TAFA5: variants seen among roughly 807,000 people sequenced by gnomAD.
The protein encoded by TAFA5 is chemokine-like protein TAFA-5.
TAFA5 carries 6 observed loss-of-function variants against 15.3 expected under a neutral mutation model. The ratio of observed to expected loss-of-function variants is 0.39; its 90% confidence interval spans 0.21 to 0.77. TAFA5 has a LOEUF of 0.77. TAFA5 is among the 30% of genes least tolerant of loss of function. The pLI is 0.41. For missense variants in TAFA5, 161 were observed against 193.1 expected, an observed-to-expected ratio of 0.83 and a Z score of 0.98; for synonymous variants, 103 against 80.7, an observed-to-expected ratio of 1.28 and a Z score of -1.48.
chr22:48,699,772 C>T (rs1569084831), intron 2 of TAFA5, among the ~76,000 whole-genome samples: 1 of 152,160 alleles, frequency 6.6e-6, no homozygotes, highest in African/African-American at 2.4e-5. Context: ...ATTATTGCAG[C>T]GACTGCGAAC....
At chr22:48,704,426 G>T (rs1929015710) in intron 2 of TAFA5, among the ~76,000 whole-genome samples, 1 of 152,106 alleles carries the variant, frequency 6.6e-6, no homozygotes, top group African/African-American at 2.4e-5. Flanking sequence ...CTTTCTGCAG[G>T]AATAGAACAG....
chr22:48,582,364 GTA>G (rs1924084339), intron 1 of TAFA5, among the ~76,000 whole-genome samples: 1 of 60,096 alleles, frequency 1.7e-5, no homozygotes, highest in African/African-American at 8.6e-5. Flanking sequence ...AATACACCAC[GTA>G]CCACACACAA....
chr22:48,707,132 G>A (rs1302399870), intron 2 of TAFA5, among the ~76,000 whole-genome samples: 4 of 152,082 alleles, frequency 2.6e-5, no homozygotes, highest in East Asian at 3.9e-4. Flanking sequence ...GTGCTGGGCC[G>A]GCCCCAGGGG....
chr22:48,511,955 C>T (rs1237629229), intron 1 of TAFA5, among the ~76,000 whole-genome samples: 1 of 152,264 alleles, frequency 6.6e-6, no homozygotes, highest in Non-Finnish European at 1.5e-5. Context: ...TCACTCCTCA[C>T]CATTGCTAGG....
intron 1 of TAFA5, among the ~76,000 whole-genome samples, chr22:48,519,833 AC>A (rs1232956899): frequency 2.6e-5 from 4 of 152,034 alleles, no homozygotes; most frequent in African/African-American, 9.7e-5. Flanking sequence ...CAGTCACCTA[AC>A]CTCTCTGTGC....
intron 2 of TAFA5, among the ~76,000 whole-genome samples, chr22:48,661,571 C>G (rs193231379): frequency 2.0e-5 from 3 of 152,204 alleles, no homozygotes; most frequent in Non-Finnish European, 4.4e-5. Flanking sequence ...GGACACTGAT[C>G]AGTGCCCAGG....
chr22:48,554,925 G>C (rs986067266), intron 1 of TAFA5, among the ~76,000 whole-genome samples: 20 of 152,208 alleles, frequency 1.3e-4, no homozygotes, highest in African/African-American at 4.3e-4. Context: ...GGGGTCCTAC[G>C]AGCCTCTTCA....
At chr22:48,551,370 T>G (rs1360310894) in intron 1 of TAFA5, among the ~76,000 whole-genome samples, 1 of 152,140 alleles carries the variant, frequency 6.6e-6, no homozygotes, top group African/African-American at 2.4e-5. Flanking sequence ...CAGCCCCGTC[T>G]AGCCCCAGTG....
intron 2 of TAFA5, among the ~76,000 whole-genome samples, chr22:48,703,075 G>A (rs1232664890): frequency 3.3e-5 from 5 of 152,170 alleles, no homozygotes; most frequent in African/African-American, 4.8e-5. Flanking sequence ...ATGTGTGTGC[G>A]TGAACGTGTG....
chr22:48,654,642 A>C (rs968173340), intron 2 of TAFA5, among the ~76,000 whole-genome samples: 1 of 151,922 alleles, frequency 6.6e-6, no homozygotes, highest in African/African-American at 2.4e-5. Flanking sequence ...CATCCGAATC[A>C]CTCCCAACAA....
intron 3 of TAFA5, among the ~76,000 whole-genome samples, chr22:48,717,016 T>C (rs1362992496): frequency 6.6e-6 from 1 of 152,166 alleles, no homozygotes; most frequent in African/African-American, 2.4e-5. Context: ...AAAGAAATGC[T>C]TTCTAAAAAT....
rs1173307089 is a variant in TAFA5 at position 48,566,016 on chromosome 22, G to C, written c.112+76312G>C. Among the ~76,000 whole-genome samples, 1 of 151,784 alleles carries C rather than the reference G, an allele frequency of 6.6e-6. No individual in the cohort carries two copies. The highest frequency in any genetic ancestry group is 1.5e-5 in the Non-Finnish European group (1 of 67,930). On this transcript the variant is annotated intron_variant, in intron 1 of 3. Transcript: ENST00000402357. This position sits in a 1 kb window ranked among gnomAD's most constrained non-coding sequence, Gnocchi z 4.5. ...GATGGATGTATGATGGATGGATTGT[G>C]GCTAGATGGATGACGGATAGATGAT...
chr22:48,706,076 C>A (rs1929069127), intron 2 of TAFA5, among the ~76,000 whole-genome samples: 1 of 152,318 alleles, frequency 6.6e-6, no homozygotes, highest in East Asian at 1.9e-4. Flanking sequence ...GCCACTCTTG[C>A]CCTGGGCCTG....
rs149829114 is a variant in TAFA5 at position 48,699,034 on chromosome 22, C to T, written c.263-8683C>T. ...TCGGCTCACTGCAACCTCTGCTTCC[C>T]AGGTTCAAGTGATTCCCCTGCCTCG... On this transcript the variant is annotated intron_variant, in intron 2 of 3. Transcript: ENST00000402357. 4.4e-3 allele frequency among the ~76,000 whole-genome samples: 672 copies of T among 151,236 alleles called. 12 individuals carry two copies. In the East Asian group the frequency reaches 0.05, roughly 11 times the overall value.
At chr22:48,600,292 G>A (rs985398788) in intron 1 of TAFA5, among the ~76,000 whole-genome samples, 1 of 152,206 alleles carries the variant, frequency 6.6e-6, no homozygotes, top group Non-Finnish European at 1.5e-5. Context: ...CGCCTACCAC[G>A]GGCAGTAAGG....
At chr22:48,707,569 G>A in intron 2 of TAFA5, 148 bp from the exon 3 acceptor site, 1 of 870,926 alleles carries the variant, frequency 1.1e-6, no homozygotes, top group Non-Finnish European at 1.7e-6. Context: ...CCTGGGCCCA[G>A]TGTCCCTGTG....
At chr22:48,626,409 C>T (rs1399807324) in intron 1 of TAFA5, among the ~76,000 whole-genome samples, 1 of 152,100 alleles carries the variant, frequency 6.6e-6, no homozygotes, top group Non-Finnish European at 1.5e-5. Context: ...ATGGCCGTTA[C>T]CTCCTTATTT....
chr22:48,632,795 G>A (rs1456548251), intron 1 of TAFA5, among the ~76,000 whole-genome samples: 1 of 152,220 alleles, frequency 6.6e-6, no homozygotes, highest in African/African-American at 2.4e-5. Flanking sequence ...TCCCTGCAGA[G>A]AGAATTGAAG....
chr22:48,546,678 G>T (rs1483366229), intron 1 of TAFA5: 1 of 453,648 alleles, frequency 2.2e-6, no homozygotes, highest in Non-Finnish European at 4.6e-6. Context: ...AGGGTCCGCA[G>T]GATGGGGGGC....
Sources: gnomAD v4.1 joint callset for allele counts (sites outside exome capture counted in the v4.1 genomes callset) on GRCh38, gnomAD v4.1.1 for gene constraint, Gnocchi (gnomAD v3.1) non-coding constraint, MANE v1.5 for transcripts, NCBI Gene and HGNC (gene_info 2026-07-23, HGNC 2026-07-21) for gene names.